REL: variants seen among roughly 807,000 people sequenced by gnomAD.
The protein encoded by REL is REL proto-oncogene, NF-kB subunit, also known as proto-oncogene c-Rel.
A neutral mutation model predicts 45.9 loss-of-function variants in REL; 15 were observed. The observed-to-expected ratio is 0.33, with a 90% CI of 0.22 to 0.50. REL has a LOEUF of 0.50. Ranked by LOEUF, REL falls within the 20% of genes least tolerant of loss-of-function variation. REL has a pLI of 0.98. For synonymous variants in REL, 239 were observed against 242.1 expected (o/e 0.99, Z 0.12); for missense variants, 601 against 715.2 (o/e 0.84, Z 1.82).
Position 60,922,123 on chromosome 2 carries a change from A to G in REL, c.1352A>G (p.Tyr451Cys), listed in dbSNP as rs375602629. The G allele has an allele frequency of 3.3e-5, 53 of 1,614,090 alleles. No homozygotes were observed. Among genetic ancestry groups the G allele is most frequent in the Non-Finnish European group, 4.2e-5 (49 of 1,180,038 alleles). Residue 451 changes from tyrosine (Y) to cysteine (C), a missense_variant, in exon 10 of 10, where the codon TAT (tyrosine) becomes TGT (cysteine). Coordinates refer to ENST00000394479, the MANE Select transcript of REL (RefSeq NM_001291746.2). ...TCATCCATGCCATCAGCAGATTTAT[A>G]TGGTATTTCTGATCCCAACATGCTG... ...EASSMPSADLYGISDPNMLSN... is the reference protein window; with the variant it reads ...EASSMPSADLCGISDPNMLSN...
At position 60,885,512 on chromosome 2, in the gene REL, A is replaced by G. The variant is rs537783523; in HGVS notation, c.10+3662A>G. 1.3e-3 allele frequency among the ~76,000 whole-genome samples: 194 copies of G among 152,300 alleles called. 1 individual carries two copies. Among genetic ancestry groups the G allele is most frequent in the African/African-American group, 4.4e-3 (182 of 41,566 alleles). ...ACAGTTTTTACCTTGTAGTGCATAAATCAGTTGAATACTCATCTGAAAATT... is the reference window on the plus strand; with the variant it reads ...ACAGTTTTTACCTTGTAGTGCATAAGTCAGTTGAATACTCATCTGAAAATT... On this transcript the variant is annotated intron_variant, in intron 1 of 9. Coordinates refer to ENST00000394479, the MANE Select transcript of REL (RefSeq NM_001291746.2).
rs991063991 is a variant in REL at position 60,923,874 on chromosome 2, C to A, written c.*1339C>A. ...TATTTTTAAAACAAGTCAACTCATA[C>A]CATTCATCTGCTCAAAACCATTCAT... On this transcript the variant is annotated 3_prime_UTR_variant, in exon 10 of 10. Transcript: ENST00000394479. 4.3e-6 allele frequency: 1 copy of A among 232,774 alleles called. No individual in the cohort carries two copies. The highest frequency in any genetic ancestry group is 2.2e-5 in the African/African-American group (1 of 45,304). The allele number at this position is 232,774 out of a possible 1,614,324, so 14.4% of individuals were successfully genotyped here.
At chr2:60,891,594 C>A in intron 1 of REL, 89 bp from the exon 2 acceptor site, 1 of 1,144,004 alleles carries the variant, frequency 8.7e-7, no homozygotes, top group Non-Finnish European at 1.2e-6. Flanking sequence ...TTGTTTTAGT[C>A]TGCTGTTATA....
At chr2:60,908,252 G>A (rs1164587798) in intron 4 of REL, among the ~76,000 whole-genome samples, 1 of 152,142 alleles carries the variant, frequency 6.6e-6, no homozygotes, top group African/African-American at 2.4e-5. Flanking sequence ...CCTAAACAAT[G>A]TATTTGTTTT....
At chr2:60,891,974 A>T in intron 2 of REL, 149 bp downstream of exon 2, 2 of 722,714 alleles carry the variant, frequency 2.8e-6, no homozygotes, top group Non-Finnish European at 2.1e-6. Flanking sequence ...GGATCTGTCA[A>T]AAAGACATCT....
chr2:60,921,923 C>G lies in REL; in HGVS notation c.1152C>G (p.Ala384=). 1 of 1,614,018 alleles carries G rather than the reference C, an allele frequency of 6.2e-7. No homozygotes were observed. The highest frequency in any genetic ancestry group is 8.5e-7 in the Non-Finnish European group (1 of 1,179,992). Residue 384 remains alanine (A), a synonymous_variant, in exon 10 of 10, where the codon GCC becomes GCG. Coordinates refer to ENST00000394479, the MANE Select transcript of REL (RefSeq NM_001291746.2). The stretch of plus-strand genomic sequence containing the variant: ...CTTCTTCAAGCTGGTCATCAGTGGC[C>G]CACCCCACCCCACGCTCAGGCAATA... ...PLPSSSWSSV[A]HPTPRSGNTN...
At chr2:60,919,997 A>G (rs919683560) in intron 7 of REL, 44 bp from the exon 8 acceptor site, 2 of 1,260,666 alleles carry the variant, frequency 1.6e-6, no homozygotes, top group African/African-American at 1.5e-5. Context: ...AGAGGATACA[A>G]TCCTATAATT....
chr2:60,912,293 T>C (rs941846178), intron 4 of REL, among the ~76,000 whole-genome samples: 13 of 152,202 alleles, frequency 8.5e-5, no homozygotes, highest in Non-Finnish European at 1.9e-4. Flanking sequence ...TTTTTATTAA[T>C]CTTTCTTAAA....
Position 60,924,937 on chromosome 2 carries a change from T to C in REL, c.*2402T>C, listed in dbSNP as rs1454814188. 1 of 212,158 alleles carries C rather than the reference T, an allele frequency of 4.7e-6. No homozygotes were observed. Among genetic ancestry groups the C allele is most frequent in the Non-Finnish European group, 9.6e-6 (1 of 104,674 alleles). The allele number at this position is 212,158 out of a possible 1,614,324, so 13.1% of individuals were successfully genotyped here. ...ATTTGCTGTTTGTGTTTCGTGACTT[T>C]TGGTAATTCTGGCATTTAGAAACCT... On this transcript the variant is annotated 3_prime_UTR_variant, in exon 10 of 10. Transcript: ENST00000394479.
intron 3 of REL, chr2:60,900,388 A>T (rs1673460846): frequency 6.6e-6 from 1 of 152,356 alleles, no homozygotes; most frequent in Non-Finnish European, 1.5e-5. Flanking sequence ...AAATTTTACC[A>T]TTTAATATTG....
rs559342248 is a variant in REL, at chr2:60,923,538, C to T, written c.*1003C>T. The T allele has an allele frequency of 6.6e-4, 154 of 232,624 alleles. No homozygotes were observed. The highest frequency in any genetic ancestry group is 1.1e-3 in the Non-Finnish European group (124 of 117,718). 14.4% of individuals were successfully genotyped at this position (232,624 alleles called of 1,614,324 possible). ...CAAAACTGAATTCTTGGTCTTCCCT[C>T]CCAAACTTGCTTCTCCTTCAGTCTT... On this transcript the variant is annotated 3_prime_UTR_variant, in exon 10 of 10. Coordinates refer to ENST00000394479, the MANE Select transcript of REL (RefSeq NM_001291746.2).
At position 60,923,541 on chromosome 2, in the gene REL, A is replaced by C. The variant is rs1674200568; in HGVS notation, c.*1006A>C. On this transcript the variant is annotated 3_prime_UTR_variant, in exon 10 of 10. Coordinates refer to ENST00000394479, the MANE Select transcript of REL (RefSeq NM_001291746.2). Reference sequence around the variant, plus strand: ...AACTGAATTCTTGGTCTTCCCTCCCAAACTTGCTTCTCCTTCAGTCTTCTC... The same window carrying C: ...AACTGAATTCTTGGTCTTCCCTCCCCAACTTGCTTCTCCTTCAGTCTTCTC... 4.3e-6 allele frequency: 1 copy of C among 232,740 alleles called. No homozygotes were observed. The highest frequency in any genetic ancestry group is 6.1e-5 in the East Asian group (1 of 16,528). The allele number at this position is 232,740 out of a possible 1,614,324, so 14.4% of individuals were successfully genotyped here.
intron 3 of REL, chr2:60,899,849 T>G (rs1179481639): frequency 6.6e-6 from 1 of 152,406 alleles, no homozygotes; most frequent in Non-Finnish European, 1.5e-5. Context: ...TTTTCATAAA[T>G]GACATTTTGA....
Position 60,922,089 on chromosome 2 carries a change from A to G in REL, c.1318A>G (p.Met440Val), listed in dbSNP as rs1558822643. ...IYNNADDIVG[M>V]EASSMPSADL... ...CAACAATGCCGATGACATAGTCGGA[A>G]TGGAAGCGTCATCCATGCCATCAGC... is the stretch of plus-strand genomic sequence containing the variant. The change falls in exon 10 of 10, where the codon ATG (methionine) becomes GTG (valine). Residue 440 changes from methionine to valine, a missense_variant. By Grantham distance (21) the Met-to-Val change is conservative. Around this residue, in one of 4 missense-constraint regions of REL, gnomAD observed 334 missense variants for 333.1 expected, o/e 1.00. Transcript: ENST00000394479. 1.2e-6 allele frequency: 2 copies of G among 1,614,216 alleles called. No homozygotes were observed. The highest frequency in any genetic ancestry group is 1.7e-6 in the Non-Finnish European group (2 of 1,180,026).
At chr2:60,904,898 G>A (rs1304030670) in intron 4 of REL, among the ~76,000 whole-genome samples, 1 of 152,076 alleles carries the variant, frequency 6.6e-6, no homozygotes, top group African/African-American at 2.4e-5. Flanking sequence ...TCTAAGTAAA[G>A]AAAAGGAAAG....
In REL at chr2:60,892,778, G is replaced by A. The variant is rs529566857; in HGVS notation, c.153+953G>A. ...TTTTTATTTTTTATTTTTTTGAGAC[G>A]GAGTCTCACTCTGTTGCCCAGGCTG... is the stretch of plus-strand genomic sequence containing the variant. On this transcript the variant is annotated intron_variant, in intron 2 of 9. Transcript: ENST00000394479. 2.7e-3 allele frequency among the ~76,000 whole-genome samples: 403 copies of A among 151,260 alleles called. 2 individuals are homozygous for A. The highest frequency in any genetic ancestry group is 9.5e-3 in the African/African-American group (389 of 41,162).
chr2:60,899,701 T>C (rs1400923813), intron 3 of REL: 2 of 152,344 alleles, frequency 1.3e-5, no homozygotes, highest in African/African-American at 4.8e-5. Flanking sequence ...GCTTCCTTAT[T>C]CACGCCCACC....
chr2:60,887,297 A>G (rs935502844), intron 1 of REL, among the ~76,000 whole-genome samples: 7 of 152,196 alleles, frequency 4.6e-5, no homozygotes, highest in Non-Finnish European at 7.4e-5. Flanking sequence ...AGGTGTAGCA[A>G]TCCTGGTACC....
At chr2:60,918,742 T>G in intron 7 of REL, 136 bp downstream of exon 7, 1 of 680,418 alleles carries the variant, frequency 1.5e-6, no homozygotes, top group South Asian at 1.9e-5. Context: ...TTTCTGTTGG[T>G]TTTTTCTTTA....
Sources: gnomAD v4.1 joint callset for allele counts (sites outside exome capture counted in the v4.1 genomes callset) on GRCh38, gnomAD v4.1.1 for gene constraint, gnomAD v4.1.1 regional missense constraint, MANE v1.5 for transcripts, NCBI Gene and HGNC (gene_info 2026-07-23, HGNC 2026-07-21) for gene names.